RBBP6: variants seen among roughly 807,000 people sequenced by gnomAD.
RBBP6 encodes RB binding protein 6, ubiquitin ligase, also known as E3 ubiquitin-protein ligase RBBP6.
A neutral mutation model predicts 167.7 loss-of-function variants in RBBP6; 25 were observed. The observed-to-expected ratio is 0.15, with a 90% CI of 0.11 to 0.21. RBBP6 has a LOEUF of 0.21. Ranked by LOEUF, RBBP6 falls within the 10% of genes least tolerant of loss-of-function variation. RBBP6 has a pLI of 1.00. For missense variants in RBBP6, 1,868 were observed against 2,134.2 expected, an observed-to-expected ratio of 0.88 and a Z score of 2.46; for synonymous variants, 789 against 735.8, an observed-to-expected ratio of 1.07 and a Z score of -1.17.
At chr16:24,546,372 A>G in intron 2 of RBBP6, 110 bp downstream of exon 2, 1 of 1,223,806 alleles carries the variant, frequency 8.2e-7, no homozygotes, top group South Asian at 2.0e-5. Flanking sequence ...ACCTTAATGA[A>G]TACATCTTCT....
intron 14 of RBBP6, 21 bp downstream of exon 14, chr16:24,564,886 G>T (rs368559632): frequency 7.1e-5 from 113 of 1,600,780 alleles, no homozygotes; most frequent in Non-Finnish European, 9.4e-5. Flanking sequence ...TAAAAATCTT[G>T]GAAAATAATC....
rs776774823 is a variant in RBBP6 at position 24,571,619 on chromosome 16, A to G, written c.4553A>G (p.Glu1518Gly). 6.2e-7 allele frequency: 1 copy of G among 1,611,642 alleles called. No homozygotes were observed. The highest frequency in any genetic ancestry group is 8.5e-7 in the Non-Finnish European group (1 of 1,179,454). ...GGACAGAAAAATAAACCAAGGGAAG[A>G]GAGAGATTTGCCTAAAAAAGGAACA... ...ASGQKNKPRE[E>G]RDLPKKGTGD... The change falls in exon 18 of 18, where the codon GAG (glutamate) becomes GGG (glycine). Residue 1518 changes from glutamate (E) to glycine (G), a missense_variant. Physicochemically the swap from Glu to Gly is moderately conservative, Grantham distance 98. Coordinates refer to ENST00000319715, the MANE Select transcript of RBBP6 (RefSeq NM_006910.5).
intron 6 of RBBP6, 123 bp from the exon 7 acceptor site, chr16:24,556,185 A>G: frequency 3.7e-6 from 3 of 808,160 alleles, no homozygotes; most frequent in Non-Finnish European, 5.8e-6. Context: ...CAAGGATTAA[A>G]TGAGATCACA....
chr16:24,539,789 A>G lies in RBBP6; in HGVS notation c.-838A>G, dbSNP rs1309442388. 6.6e-6 allele frequency: 1 copy of G among 152,196 alleles called. No homozygotes were observed. The highest frequency in any genetic ancestry group is 1.5e-5 in the Non-Finnish European group (1 of 68,030). The allele number at this position is 152,196 out of a possible 1,614,324, so 9.4% of individuals were successfully genotyped here. ...GCGAAGCGCGGAGGATCCGGCGAGA[A>G]GAAGCGTCAGGGAGCCTCGGCGGTG... is the stretch of plus-strand genomic sequence containing the variant. On this transcript the variant is annotated 5_prime_UTR_variant, in exon 1 of 18. Coordinates refer to ENST00000319715, the MANE Select transcript of RBBP6 (RefSeq NM_006910.5).
chr16:24,552,870 CCAT>C (rs1379268811), intron 3 of RBBP6: 4 of 151,890 alleles, frequency 2.6e-5, no homozygotes, highest in Non-Finnish European at 5.9e-5. Flanking sequence ...ATATTAGAGT[CCAT>C]CATAATAAGT....
chr16:24,545,477 A>G (rs919938201), intron 1 of RBBP6, among the ~76,000 whole-genome samples: 3 of 152,162 alleles, frequency 2.0e-5, no homozygotes, highest in Non-Finnish European at 4.4e-5. Flanking sequence ...TGTATGGTCT[A>G]TACCTTTCTG....
chr16:24,569,900 CAATACTA>C lies in RBBP6; in HGVS notation c.3214_3220del (p.Thr1072HisfsTer37). The C allele has an allele frequency of 6.2e-7, 1 of 1,611,128 alleles. No homozygotes were observed. Among genetic ancestry groups the C allele is most frequent in the Non-Finnish European group, 8.5e-7 (1 of 1,179,390 alleles). Reference sequence around the variant, plus strand: ...CCAAAGAGGAGACTCCGAAGACTGACAATACTAAATCATCATCTTCCTCTCAGAAGGA... The same window carrying C: ...CCAAAGAGGAGACTCCGAAGACTGACAATCATCATCTTCCTCTCAGAAGGA... On this transcript the variant is annotated frameshift_variant, in exon 17 of 18. Coordinates refer to ENST00000319715, the MANE Select transcript of RBBP6 (RefSeq NM_006910.5). LOFTEE classifies it high-confidence loss of function.
At chr16:24,566,160 A>G (rs140934023) in intron 14 of RBBP6, among the ~76,000 whole-genome samples, 92 of 152,332 alleles carry the variant, frequency 6.0e-4, no homozygotes, top group African/African-American at 2.2e-3. Context: ...AAAAGAAGGT[A>G]ATAGTTATTC....
Position 24,540,612 on chromosome 16 carries a change from G to C in RBBP6, c.-15G>C. On this transcript the variant is annotated 5_prime_UTR_variant, in exon 1 of 18. Coordinates refer to ENST00000319715, the MANE Select transcript of RBBP6 (RefSeq NM_006910.5). ...TCCACGTCTCCTCGCTGAACCTTAG[G>C]AATCCCTTGGCACCATGTCCTGTGT... 6.2e-7 allele frequency: 1 copy of C among 1,605,610 alleles called. No individual in the cohort carries two copies. Among genetic ancestry groups the C allele is most frequent in the Non-Finnish European group, 8.5e-7 (1 of 1,175,144 alleles).
intron 17 of RBBP6, 29 bp from the exon 18 acceptor site, chr16:24,570,847 A>G (rs1899309014): frequency 1.5e-6 from 2 of 1,377,080 alleles, no homozygotes; most frequent in East Asian, 5.3e-5. Context: ...ATTCTTCATT[A>G]ATTAAAAATA....
At chr16:24,547,966 TAATA>T (rs1460471927) in intron 2 of RBBP6, among the ~76,000 whole-genome samples, 1 of 152,128 alleles carries the variant, frequency 6.6e-6, no homozygotes, top group Non-Finnish European at 1.5e-5. Context: ...GTTCTGTTTG[TAATA>T]AATTTGCCTC....
At chr16:24,570,563 C>T (rs866583827) in intron 17 of RBBP6, 64 bp downstream of exon 17, 1 of 1,362,112 alleles carries the variant, frequency 7.3e-7, no homozygotes, top group Admixed American at 2.7e-5. Flanking sequence ...CAGTTTTATC[C>T]ATGCTTGTGC....
In RBBP6 at chr16:24,569,882, G is replaced by A; in HGVS notation, c.3192G>A (p.Glu1064=). 2 of 1,610,670 alleles carry A rather than the reference G, an allele frequency of 1.2e-6. No homozygotes were observed. Among genetic ancestry groups the A allele is most frequent in the South Asian group, 1.1e-5 (1 of 90,134 alleles). The part of the protein sequence containing the change: ...RSEPPIKKAK[E]ETPKTDNTKS... ...AACCTCCAATTAAAAAAGCCAAAGA[G>A]GAGACTCCGAAGACTGACAATACTA... Residue 1064 remains glutamate, a synonymous_variant, in exon 17 of 18, where the codon GAG becomes GAA. Transcript: ENST00000319715.
intron 3 of RBBP6, among the ~76,000 whole-genome samples, chr16:24,551,019 C>T (rs963101143): frequency 1.3e-5 from 2 of 151,776 alleles, no homozygotes; most frequent in African/African-American, 2.4e-5. Flanking sequence ...GTAATGGAAG[C>T]GAACTCTAAT....
At chr16:24,553,889 T>C (rs1388618004) in intron 4 of RBBP6, 6 of 169,614 alleles carry the variant, frequency 3.5e-5, no homozygotes, top group Non-Finnish European at 7.5e-5. Flanking sequence ...CTATAAATTA[T>C]GTGGACCTTT....
In RBBP6 at chr16:24,568,985, C is replaced by G; in HGVS notation, c.2295C>G (p.Arg765=). 6.2e-7 allele frequency: 1 copy of G among 1,614,116 alleles called. No individual in the cohort carries two copies. Among genetic ancestry groups the G allele is most frequent in the South Asian group, 1.1e-5 (1 of 91,074 alleles). The change falls in exon 17 of 18, where the codon CGC becomes CGG. Residue 765 remains arginine (R), a synonymous_variant. Coordinates refer to ENST00000319715, the MANE Select transcript of RBBP6 (RefSeq NM_006910.5). ...RSRSRSPPYR[R]YHSRSRSPQA... is the part of the protein sequence containing the mutation. ...GGTCAAGGTCACCCCCTTACAGACGCTATCATTCACGATCAAGATCTCCTC... is the reference window on the plus strand; with the variant it reads ...GGTCAAGGTCACCCCCTTACAGACGGTATCATTCACGATCAAGATCTCCTC...
intron 13 of RBBP6, among the ~76,000 whole-genome samples, chr16:24,564,362 T>C (rs973413077): frequency 3.3e-5 from 5 of 152,182 alleles, no homozygotes; most frequent in African/African-American, 4.8e-5. Context: ...CTCCTTCATT[T>C]CCTAGCTGCA....
intron 13 of RBBP6, 78 bp from the exon 14 acceptor site, chr16:24,564,719 T>C: frequency 6.7e-7 from 1 of 1,485,024 alleles, no homozygotes; most frequent in Non-Finnish European, 9.0e-7. Context: ...AATTGGTGTC[T>C]TAACAGCTAT....
intron 1 of RBBP6, among the ~76,000 whole-genome samples, chr16:24,542,471 T>C (rs13329830): frequency 0.24 from 35,527 of 149,080 alleles, 4,403 homozygotes; most frequent in Admixed American, 0.33. Flanking sequence ...TTTTTTTTTT[T>C]CCCCTGAAAC....
Sources: gnomAD v4.1 joint callset for allele counts (sites outside exome capture counted in the v4.1 genomes callset) on GRCh38, gnomAD v4.1.1 for gene constraint, MANE v1.5 for transcripts, NCBI Gene and HGNC (gene_info 2026-07-23, HGNC 2026-07-21) for gene names.